Variants in ELOVL4 observed in about 807,000 individuals in gnomAD.
ELOVL4 encodes very long chain fatty acid elongase 4.
In ELOVL4, 18 loss-of-function variants were observed where a neutral mutation model predicts 42.1. The observed-to-expected ratio is 0.43, with a 90% CI of 0.30 to 0.63. The LOEUF (loss-of-function observed/expected upper bound fraction) is 0.63, where lower values mean the gene tolerates loss of function less well. Ranked by LOEUF, ELOVL4 falls within the 30% of genes least tolerant of loss-of-function variation. The pLI, the probability that ELOVL4 is intolerant of heterozygous loss-of-function variation, is 0.15. For missense variants in ELOVL4, 299 were observed against 376.2 expected (o/e 0.79, Z 1.70); for synonymous variants, 117 against 127.0 (o/e 0.92, Z 0.53).
At chr6:79,947,083 G>A in intron 1 of ELOVL4, 97 bp downstream of exon 1, 1 of 1,001,528 alleles carries the variant, frequency 1.0e-6, no homozygotes, top group Non-Finnish European at 1.5e-6. Context: ...GCCGCAGGGC[G>A]CGGGGGCCTG....
At chr6:79,942,006 TAC>T (rs1228459445) in intron 1 of ELOVL4, among the ~76,000 whole-genome samples, 7 of 152,150 alleles carry the variant, frequency 4.6e-5, no homozygotes, top group Non-Finnish European at 7.4e-5. Context: ...TGCTCCAGGG[TAC>T]CATAAACAAG....
At chr6:79,918,279 T>A (rs773635181) in intron 5 of ELOVL4, among the ~76,000 whole-genome samples, 5 of 152,228 alleles carry the variant, frequency 3.3e-5, no homozygotes, top group Non-Finnish European at 7.3e-5. Flanking sequence ...GGTTTCACAA[T>A]GGTTTTTAGA....
chr6:79,919,546 T>C lies in ELOVL4; in HGVS notation c.543A>G (p.Ala181=), dbSNP rs781245269. 1.9e-5 allele frequency: 31 copies of C among 1,613,266 alleles called. No individual in the cohort carries two copies. Among genetic ancestry groups the C allele is most frequent in the Non-Finnish European group, 2.5e-5 (29 of 1,179,726 alleles). ...AGGAATTCAACTGGGCTCCAAAAAATGCTTTAGAAAAACAACAGGTAATTA... is the reference window on the plus strand; with the variant it reads ...AGGAATTCAACTGGGCTCCAAAAAACGCTTTAGAAAAACAACAGGTAATTA... The part of the protein sequence containing the change: ...IGIKWVAGGQ[A]FFGAQLNSFI... Residue 181 remains alanine, a splice_region_variant and synonymous_variant, in exon 5 of 6, where the codon GCA becomes GCG. Transcript: ENST00000369816.
intron 1 of ELOVL4, among the ~76,000 whole-genome samples, chr6:79,944,749 G>T (rs755696738): frequency 2.6e-5 from 4 of 152,104 alleles, no homozygotes; most frequent in Non-Finnish European, 5.9e-5. Context: ...CAAGGACAAG[G>T]AGCCTACCTC....
chr6:79,917,776 G>A (rs542913139), intron 5 of ELOVL4, among the ~76,000 whole-genome samples: 1 of 152,190 alleles, frequency 6.6e-6, no homozygotes, highest in East Asian at 1.9e-4. Context: ...AGCCCAGACT[G>A]CACCATTGCA....
chr6:79,932,414 G>A (rs1430919307), intron 1 of ELOVL4, among the ~76,000 whole-genome samples: 7 of 151,790 alleles, frequency 4.6e-5, no homozygotes, highest in Admixed American at 4.6e-4. Context: ...GCGTGGTGGT[G>A]TGCGCCTGTA....
intron 1 of ELOVL4, among the ~76,000 whole-genome samples, chr6:79,939,680 G>A (rs11758557): frequency 0.017 from 2,567 of 151,918 alleles, 23 homozygotes; most frequent in Middle Eastern, 0.031. Flanking sequence ...TATGGCACCA[G>A]GCCTGGCTAA....
intron 1 of ELOVL4, among the ~76,000 whole-genome samples, chr6:79,945,420 G>T (rs567546302): frequency 6.6e-6 from 1 of 152,214 alleles, no homozygotes; most frequent in Non-Finnish European, 1.5e-5. Flanking sequence ...TGTGTGTGTG[G>T]TTTCTTTTAC....
intron 1 of ELOVL4, among the ~76,000 whole-genome samples, chr6:79,943,769 T>C (rs1335753956): frequency 6.6e-6 from 1 of 152,188 alleles, no homozygotes; most frequent in Admixed American, 6.6e-5. Context: ...AATGGTATCA[T>C]AAGCCTGGCT....
chr6:79,928,744 T>TTTTG (rs1561986589), intron 1 of ELOVL4, among the ~76,000 whole-genome samples: 1 of 143,938 alleles, frequency 6.9e-6, no homozygotes, highest in African/African-American at 2.6e-5. Flanking sequence ...TTTTTTTTTT[T>TTTTG]TTTTTTTTTT....
intron 1 of ELOVL4, among the ~76,000 whole-genome samples, chr6:79,943,497 A>C (rs1774681161): frequency 6.6e-6 from 1 of 152,182 alleles, no homozygotes; most frequent in African/African-American, 2.4e-5. Context: ...CAGCTAAAAT[A>C]TTCTAAAAAC....
chr6:79,916,529 T>C lies in ELOVL4; in HGVS notation c.*79A>G. 1 of 1,572,714 alleles carries C rather than the reference T, an allele frequency of 6.4e-7. No individual in the cohort carries two copies. Among genetic ancestry groups the C allele is most frequent in the Non-Finnish European group, 8.7e-7 (1 of 1,146,834 alleles). ...TTTCTCCCCACCCCCAAGCTCTCCT[T>C]TGCTTCTGTTTTCCCTGAAATTTTA... On this transcript the variant is annotated 3_prime_UTR_variant, in exon 6 of 6. Transcript: ENST00000369816.
At chr6:79,919,330 T>C (rs958179364) in intron 5 of ELOVL4, 90 bp downstream of exon 5, 5 of 1,430,974 alleles carry the variant, frequency 3.5e-6, no homozygotes, top group Middle Eastern at 1.8e-4. Context: ...TAATAGAAAA[T>C]TGTCTAAAAT....
chr6:79,933,213 T>C (rs1475740448), intron 1 of ELOVL4, among the ~76,000 whole-genome samples: 1 of 150,572 alleles, frequency 6.6e-6, no homozygotes, highest in Non-Finnish European at 1.5e-5. Context: ...AAGAGATATT[T>C]GATTGTTTTT....
intron 1 of ELOVL4, among the ~76,000 whole-genome samples, chr6:79,946,836 C>A (rs1040146778): frequency 6.6e-6 from 1 of 152,120 alleles, no homozygotes; most frequent in Non-Finnish European, 1.5e-5. Context: ...AAGAGGGAGG[C>A]GAGCTCGGGA....
intron 1 of ELOVL4, among the ~76,000 whole-genome samples, chr6:79,929,310 C>T (rs76567515): frequency 0.14 from 21,073 of 152,006 alleles, 1,970 homozygotes; most frequent in Non-Finnish European, 0.21. Context: ...GCACGATCTC[C>T]GTCCACTGCA....
At chr6:79,928,777 T>C (rs898243825) in intron 1 of ELOVL4, among the ~76,000 whole-genome samples, 4 of 146,572 alleles carry the variant, frequency 2.7e-5, no homozygotes, top group African/African-American at 1.0e-4. Context: ...TCTCATTCTA[T>C]TGTCCAGACT....
At chr6:79,945,378 C>T (rs530866269) in intron 1 of ELOVL4, among the ~76,000 whole-genome samples, 6 of 152,146 alleles carry the variant, frequency 3.9e-5, no homozygotes, top group Admixed American at 2.0e-4. Context: ...CTTTCACATG[C>T]GGCAACTGCA....
Position 79,919,408 on chromosome 6 carries a change from C to G in ELOVL4, c.669+12G>C. 1 of 1,613,530 alleles carries G rather than the reference C, an allele frequency of 6.2e-7. No homozygotes were observed. ...ATTTTACCAGAAGAAACTTTGGAAG[C>G]ATTTAACTCACCAGTTGCAACATAG... is the stretch of plus-strand genomic sequence containing the variant. On this transcript the variant is annotated intron_variant, in intron 5 of 5. Coordinates refer to ENST00000369816, the MANE Select transcript of ELOVL4 (RefSeq NM_022726.4).
Sources: gnomAD v4.1 joint callset for allele counts (sites outside exome capture counted in the v4.1 genomes callset) on GRCh38, gnomAD v4.1.1 for gene constraint, MANE v1.5 for transcripts, NCBI Gene and HGNC (gene_info 2026-07-23, HGNC 2026-07-21) for gene names.